Variants in OSMR observed in about 807,000 individuals in gnomAD.
OSMR encodes oncostatin-M-specific receptor subunit beta.
In OSMR, 81 loss-of-function variants were observed where a neutral mutation model predicts 99.9. The ratio of observed to expected loss-of-function variants is 0.81; its 90% CI spans 0.68 to 0.97. The LOEUF (loss-of-function observed/expected upper bound fraction) is 0.97, where lower values mean the gene tolerates loss of function less well. Among genes scored for constraint, OSMR ranks in the 50% least tolerant of loss-of-function variants. The pLI, the probability that OSMR is intolerant of heterozygous loss-of-function variation, is 0.00. For missense variants in OSMR, 1,099 were observed against 1,153.4 expected, an observed-to-expected ratio of 0.95 and a Z score of 0.68; for synonymous variants, 406 against 410.4, an observed-to-expected ratio of 0.99 and a Z score of 0.13.
chr5:38,923,350 C>G (rs375576593), intron 13 of OSMR, 96 bp downstream of exon 13: 5 of 782,106 alleles, frequency 6.4e-6, no homozygotes, highest in East Asian at 5.1e-5. Context: ...CAGCACCATA[C>G]CCAACTTTTG....
At chr5:38,913,276 G>A (rs914712036) in intron 9 of OSMR, among the ~76,000 whole-genome samples, 3 of 151,990 alleles carry the variant, frequency 2.0e-5, no homozygotes, top group African/African-American at 4.8e-5. Context: ...AGGGCCAGGC[G>A]CGGTGGCTCA....
intron 1 of OSMR, among the ~76,000 whole-genome samples, chr5:38,864,374 AT>A (rs1446889453): frequency 1.3e-5 from 2 of 151,870 alleles, no homozygotes; most frequent in African/African-American, 4.8e-5. Flanking sequence ...TGTTTTCATG[AT>A]GGTAGATATC....
chr5:38,904,854 T>C (rs1262306350), intron 9 of OSMR, among the ~76,000 whole-genome samples: 1 of 152,210 alleles, frequency 6.6e-6, no homozygotes, highest in African/African-American at 2.4e-5. Context: ...AAGGAAAGCA[T>C]TGGTCTCATC....
chr5:38,868,268 G>T (rs1054576322), intron 1 of OSMR, among the ~76,000 whole-genome samples: 1 of 152,180 alleles, frequency 6.6e-6, no homozygotes, highest in African/African-American at 2.4e-5. Context: ...TCTGGGGTTG[G>T]CTGGCTGCTG....
chr5:38,932,791 AT>A (rs1746820872), intron 17 of OSMR, 80 bp from the exon 18 acceptor site: 1 of 1,593,466 alleles, frequency 6.3e-7, no homozygotes, highest in African/African-American at 1.3e-5. Flanking sequence ...CTCTAAGTGT[AT>A]TTCACATGCT....
At chr5:38,854,095 G>A (rs1175086584) in intron 1 of OSMR, among the ~76,000 whole-genome samples, 2 of 151,442 alleles carry the variant, frequency 1.3e-5, no homozygotes, top group South Asian at 2.1e-4. Context: ...CCCGCAAGAA[G>A]TAGCATTCAA....
chr5:38,877,780 A>G lies in OSMR; in HGVS notation c.246+1407A>G, dbSNP rs1433583231. Among the ~76,000 whole-genome samples the G allele has an allele frequency of 2.6e-5, 4 of 152,366 alleles. No individual in the cohort carries two copies. In the East Asian group the frequency reaches 7.7e-4, roughly 29 times the overall value. ...ATCCTATTCTTTATTTTTCCAAAAG[A>G]CAACTCATATCTATTATTATGTTAC... On this transcript the variant is annotated intron_variant, in intron 3 of 17. Transcript: ENST00000274276.
chr5:38,861,613 C>T (rs1449671715), intron 1 of OSMR, among the ~76,000 whole-genome samples: 1 of 152,256 alleles, frequency 6.6e-6, no homozygotes, highest in African/African-American at 2.4e-5. Flanking sequence ...CATCCCGGCC[C>T]GCTCTCAATG....
At chr5:38,931,630 A>C (rs1008424445) in intron 15 of OSMR, 2 of 204,784 alleles carry the variant, frequency 9.8e-6, no homozygotes, top group Non-Finnish European at 1.7e-5. Flanking sequence ...GTCATGATCC[A>C]ATCTATCAGA....
chr5:38,929,677 T>TAC (rs1746631225), intron 15 of OSMR, among the ~76,000 whole-genome samples: 1 of 152,160 alleles, frequency 6.6e-6, no homozygotes, highest in South Asian at 2.1e-4. Context: ...AGCATATATA[T>TAC]ACCTTAGATG....
intron 1 of OSMR, among the ~76,000 whole-genome samples, chr5:38,864,220 G>T (rs1334272216): frequency 6.6e-6 from 1 of 151,928 alleles, no homozygotes; most frequent in Non-Finnish European, 1.5e-5. Context: ...CCTGTTTTTT[G>T]GTTGTTTTTT....
chr5:38,919,149 C>T (rs1473918812), intron 11 of OSMR, 87 bp downstream of exon 11: 27 of 1,559,346 alleles, frequency 1.7e-5, no homozygotes, highest in Non-Finnish European at 2.3e-5. Context: ...ATTGAGAAAA[C>T]AATAACTTAG....
At chr5:38,921,458 A>C in intron 11 of OSMR, 157 bp from the exon 12 acceptor site, 1 of 984,300 alleles carries the variant, frequency 1.0e-6, no homozygotes, top group Non-Finnish European at 1.2e-6. Context: ...GAACTCACCC[A>C]TGAAAACATC....
intron 11 of OSMR, chr5:38,919,518 C>T (rs961690105): frequency 2.1e-5 from 8 of 373,766 alleles, no homozygotes; most frequent in African/African-American, 1.7e-4. Context: ...TCACCACAGA[C>T]TCTGCCAACT....
chr5:38,921,056 G>A (rs970484579), intron 11 of OSMR, among the ~76,000 whole-genome samples: 3 of 152,010 alleles, frequency 2.0e-5, no homozygotes, highest in African/African-American at 4.8e-5. Flanking sequence ...TGATGTTACC[G>A]TGGGAGAATT....
At chr5:38,905,625 C>T (rs1049294569) in intron 9 of OSMR, among the ~76,000 whole-genome samples, 1 of 152,120 alleles carries the variant, frequency 6.6e-6, no homozygotes, top group Non-Finnish European at 1.5e-5. Flanking sequence ...CAGAGGATAT[C>T]AGGGCACAGA....
At position 38,924,374 on chromosome 5, in the gene OSMR, A is replaced by G. The variant is rs201628063; in HGVS notation, c.1871-48A>G. The G allele has an allele frequency of 4.0e-5, 64 of 1,612,838 alleles. No individual in the cohort carries two copies. The African/African-American group carries it at 6.0e-4, about 15-fold the overall frequency. ...TATTAGTTGACATGAATATTCTGAG[A>G]CTGTTTCCAAATCATGACTTTTCTC... On this transcript the variant is annotated intron_variant, in intron 13 of 17. Transcript: ENST00000274276.
At chr5:38,906,125 A>G (rs981438835) in intron 9 of OSMR, among the ~76,000 whole-genome samples, 1 of 151,364 alleles carries the variant, frequency 6.6e-6, no homozygotes, top group Non-Finnish European at 1.5e-5. Flanking sequence ...CATTTTCCTC[A>G]GTGTGTTTTA....
intron 7 of OSMR, 75 bp from the exon 8 acceptor site, chr5:38,903,807 A>G: frequency 2.6e-6 from 4 of 1,547,390 alleles, no homozygotes; most frequent in Non-Finnish European, 3.5e-6. Context: ...TAAATGAAGA[A>G]ATAAACTGCC....
Sources: gnomAD v4.1 joint callset for allele counts (sites outside exome capture counted in the v4.1 genomes callset) on GRCh38, gnomAD v4.1.1 for gene constraint, MANE v1.5 for transcripts, NCBI Gene and HGNC (gene_info 2026-07-23, HGNC 2026-07-21) for gene names.